The following PCDH19 variants were observed in gnomAD, a reference collection of about 807,000 sequenced individuals.
The protein encoded by PCDH19 is protocadherin-19.
In PCDH19, 6 loss-of-function variants were observed where a neutral mutation model predicts 46.2. The observed-to-expected ratio is 0.13, with a 90% CI of 0.07 to 0.26. The LOEUF is 0.26. Ranked by LOEUF, PCDH19 falls within the 10% of genes least tolerant of loss-of-function variation. The pLI is 1.00. For synonymous variants in PCDH19, 481 were observed against 415.7 expected (o/e 1.16, Z -1.91); for missense variants, 740 against 972.3 (o/e 0.76, Z 3.18).
At position 100,293,784 on chromosome X, in the gene PCDH19, T is replaced by C. The variant is rs1235141234; in HGVS notation, c.*2493A>G. Reference sequence around the variant, plus strand: ...TAGGGAAGAAGGATGGATCTATAGCTTGAAGATGAATTATGAAAAGAAATG... The same window carrying C: ...TAGGGAAGAAGGATGGATCTATAGCCTGAAGATGAATTATGAAAAGAAATG... On this transcript the variant is annotated 3_prime_UTR_variant, in exon 6 of 6. Transcript: ENST00000373034. 1 of 109,876 alleles carries C rather than the reference T, an allele frequency of 9.1e-6. No individual in the cohort carries two copies. Among genetic ancestry groups the C allele is most frequent in the Non-Finnish European group, 1.9e-5 (1 of 52,525 alleles). 9.1% of individuals were successfully genotyped at this position (109,876 alleles called of 1,213,427 possible). A position where few individuals can be genotyped will look rare whatever the true frequency, so the allele number is the denominator to read the frequency against.
chrX:100,360,198 C>T (rs762595000), intron 3 of PCDH19, among the ~76,000 whole-genome samples: 3 of 111,913 alleles, frequency 2.7e-5, no homozygotes, highest in Non-Finnish European at 5.6e-5. Context: ...CCACTAAAAA[C>T]CCAGTTGCCT....
chrX:100,398,584 C>T (rs1928088877), intron 3 of PCDH19, among the ~76,000 whole-genome samples: 1 of 111,800 alleles, frequency 8.9e-6, no homozygotes, highest in Admixed American at 9.5e-5. Context: ...GTATTGCTTG[C>T]CCGTGAAATC....
intron 5 of PCDH19, among the ~76,000 whole-genome samples, chrX:100,337,471 A>G (rs771991187): frequency 8.9e-6 from 1 of 112,534 alleles, no homozygotes; most frequent in Non-Finnish European, 1.9e-5. Flanking sequence ...AGAGCTGAAT[A>G]CTAAGGACAA....
intron 3 of PCDH19, among the ~76,000 whole-genome samples, chrX:100,373,507 A>G (rs1404249277): frequency 4.4e-5 from 5 of 112,907 alleles, no homozygotes; most frequent in African/African-American, 6.4e-5. Flanking sequence ...ATATGCTGTG[A>G]TGCAGAGAGA....
In PCDH19 at chrX:100,291,686, T is replaced by G. The variant is rs1924426851; in HGVS notation, c.*4591A>C. The G allele has an allele frequency of 8.9e-6, 1 of 112,777 alleles. No individual in the cohort carries two copies. Among genetic ancestry groups the G allele is most frequent in the Non-Finnish European group, 1.9e-5 (1 of 53,298 alleles). The allele number at this position is 112,777 out of a possible 1,213,427, so 9.3% of individuals were successfully genotyped here. A position where few individuals can be genotyped will look rare whatever the true frequency, so the allele number is the denominator to read the frequency against. Reference sequence around the variant, plus strand: ...CCTTTAATACTAAAATGCATTAAATTTTTGAAGCAGAGAAAACACATTTAA... The same window carrying G: ...CCTTTAATACTAAAATGCATTAAATGTTTGAAGCAGAGAAAACACATTTAA... On this transcript the variant is annotated 3_prime_UTR_variant, in exon 6 of 6. Transcript: ENST00000373034.
chrX:100,322,832 AGT>A (rs1925535924), intron 5 of PCDH19, among the ~76,000 whole-genome samples: 2 of 30,128 alleles, frequency 6.6e-5, no homozygotes, highest in South Asian at 3.2e-3. Flanking sequence ...TATATTCCTA[AGT>A]ATATATATAT....
At position 100,322,279 on chromosome X, in the gene PCDH19, T is replaced by C. The variant is rs192741979; in HGVS notation, c.2848+19624A>G. On this transcript the variant is annotated intron_variant, in intron 5 of 5. Coordinates refer to ENST00000373034, the MANE Select transcript of PCDH19 (RefSeq NM_001184880.2). Reference sequence around the variant, plus strand: ...AGATGAGGATCCAGTTTAATTCTCCTACATGTGGCTAGCCAATTATCCCAG... The same window carrying C: ...AGATGAGGATCCAGTTTAATTCTCCCACATGTGGCTAGCCAATTATCCCAG... 3.0e-4 allele frequency among the ~76,000 whole-genome samples: 34 copies of C among 111,522 alleles called. No homozygotes were observed. In the East Asian group the frequency reaches 9.1e-3, roughly 30 times the overall value.
intron 5 of PCDH19, among the ~76,000 whole-genome samples, chrX:100,338,556 T>G (rs1439209715): frequency 9.3e-6 from 1 of 107,799 alleles, no homozygotes; most frequent in Non-Finnish European, 1.9e-5. Flanking sequence ...CTTCTAGATA[T>G]TCTCCTTCCT....
At chrX:100,357,497 C>T (rs1926752058) in intron 3 of PCDH19, among the ~76,000 whole-genome samples, 1 of 111,937 alleles carries the variant, frequency 8.9e-6, no homozygotes, top group Non-Finnish European at 1.9e-5. Flanking sequence ...TGCATTTGTT[C>T]TACCTCATTC....
chrX:100,348,966 G>C, intron 4 of PCDH19, among the ~76,000 whole-genome samples: 1 of 97,944 alleles, frequency 1.0e-5, no homozygotes, highest in South Asian at 4.6e-4. Context: ...GGGGGGGAGG[G>C]GTTGCACTAT....
intron 5 of PCDH19, among the ~76,000 whole-genome samples, chrX:100,313,167 A>T (rs897475012): frequency 1.9e-4 from 21 of 112,071 alleles, no homozygotes; most frequent in African/African-American, 5.2e-4. Context: ...TCTTGGAATA[A>T]TCTGTTTCTC....
chrX:100,319,272 G>A (rs1406717253), intron 5 of PCDH19, among the ~76,000 whole-genome samples: 1 of 111,390 alleles, frequency 9.0e-6, no homozygotes, highest in Non-Finnish European at 1.9e-5. Flanking sequence ...TATGATAAAA[G>A]GAAATCCCAA....
chrX:100,403,557 T>C lies in PCDH19; in HGVS notation c.2255A>G (p.Lys752Arg), dbSNP rs1452944576. The C allele has an allele frequency of 1.7e-6, 2 of 1,210,296 alleles. No homozygotes were observed. Among genetic ancestry groups the C allele is most frequent in the Admixed American group, 4.3e-5 (2 of 46,062 alleles). The change falls in exon 2 of 6, where the codon AAG (lysine) becomes AGG (arginine). Residue 752 changes from lysine (K) to arginine (R), a missense_variant. Physicochemically the swap from Lys to Arg is conservative, Grantham distance 26. Transcript: ENST00000373034. ...VSPISEEQDK[K>R]TEEKVSLRGK... ...CCTTAGGCTCACTTTCTCCTCTGTC[T>C]TTTTGTCTTGCTCCTCGCTAATGGG...
In PCDH19 at chrX:100,296,010, T is replaced by C; in HGVS notation, c.*267A>G. On this transcript the variant is annotated 3_prime_UTR_variant, in exon 6 of 6. Transcript: ENST00000373034. ...ATTCAAACACTTAATACATAATACT[T>C]TTCACAACTGAATTTGTCTCTGTTT... 2.5e-6 allele frequency: 1 copy of C among 398,946 alleles called. No individual in the cohort carries two copies. The highest frequency in any genetic ancestry group is 4.4e-6 in the Non-Finnish European group (1 of 229,357). 32.9% of individuals were successfully genotyped at this position (398,946 alleles called of 1,213,427 possible).
intron 3 of PCDH19, among the ~76,000 whole-genome samples, chrX:100,355,655 A>C (rs1602603444): frequency 9.0e-6 from 1 of 111,386 alleles, no homozygotes; most frequent in South Asian, 3.8e-4. Context: ...ACCTTTGTGC[A>C]ATGTTTTGAT....
chrX:100,314,148 G>C (rs1196494477), intron 5 of PCDH19, among the ~76,000 whole-genome samples: 2 of 111,927 alleles, frequency 1.8e-5, no homozygotes, highest in Non-Finnish European at 3.8e-5. Context: ...ACGGAGACAA[G>C]AGTAGGGAAA....
In PCDH19 at chrX:100,341,970, A is replaced by G. The variant is rs1555977733; in HGVS notation, c.2781T>C (p.Cys927=). Residue 927 remains cysteine, a synonymous_variant, in exon 5 of 6, where the codon TGT becomes TGC. Transcript: ENST00000373034. ...SEHDVQRSLY[C]DTAVNDVLNT... is the part of the protein sequence containing the mutation. ...TCAGCACATCGTTGACAGCAGTATCACAATACAGGCTCCGCTGGACATCAT... is the reference window on the plus strand; with the variant it reads ...TCAGCACATCGTTGACAGCAGTATCGCAATACAGGCTCCGCTGGACATCAT... 8.3e-7 allele frequency: 1 copy of G among 1,207,652 alleles called. No homozygotes were observed. The highest frequency in any genetic ancestry group is 2.2e-5 in the Admixed American group (1 of 45,765).
At chrX:100,371,834 C>T (rs367872476) in intron 3 of PCDH19, among the ~76,000 whole-genome samples, 5 of 89,103 alleles carry the variant, frequency 5.6e-5, no homozygotes, top group Non-Finnish European at 1.1e-4. Context: ...CCTTCATGGA[C>T]GAGACAAATG....
rs924255451 is a variant in PCDH19, at chrX:100,409,837, G to A, written c.-1240C>T. The A allele has an allele frequency of 3.6e-6, 1 of 281,053 alleles. No homozygotes were observed. Among genetic ancestry groups the A allele is most frequent in the Non-Finnish European group, 6.2e-6 (1 of 161,671 alleles). The allele number at this position is 281,053 out of a possible 1,213,427, so 23.2% of individuals were successfully genotyped here. On this transcript the variant is annotated 5_prime_UTR_variant, in exon 1 of 6. Transcript: ENST00000373034. Reference sequence around the variant, plus strand: ...TGTCGCCGCCGAAGTTTACTTGCAGGAGCGTCTTGATTTCATCTTCCCGGA... The same window carrying A: ...TGTCGCCGCCGAAGTTTACTTGCAGAAGCGTCTTGATTTCATCTTCCCGGA...
Sources: gnomAD v4.1 joint callset for allele counts (sites outside exome capture counted in the v4.1 genomes callset) on GRCh38, gnomAD v4.1.1 for gene constraint, MANE v1.5 for transcripts, NCBI Gene and HGNC (gene_info 2026-07-23, HGNC 2026-07-21) for gene names.